Variants in ANAPC10 observed in about 807,000 individuals in gnomAD.
ANAPC10 encodes the protein anaphase promoting complex subunit 10.
A neutral mutation model predicts 22.0 loss-of-function variants in ANAPC10; 12 were observed. The observed-to-expected ratio is 0.55, with a 90% CI of 0.35 to 0.88. The LOEUF (loss-of-function observed/expected upper bound fraction) is 0.88. Among genes scored for constraint, ANAPC10 ranks in the 40% least tolerant of loss-of-function variants. The probability of loss-of-function intolerance (pLI) is 0.01; values close to 1 mark genes in which losing one functional copy is unlikely to be tolerated. For missense variants in ANAPC10, 188 were observed against 220.9 expected (o/e 0.85, Z 0.94); for synonymous variants, 65 against 69.5 (o/e 0.94, Z 0.32).
chr4:145,026,920 C>CAT (rs150548781), intron 4 of ANAPC10, among the ~76,000 whole-genome samples: 422 of 17,002 alleles, frequency 0.025, 9 homozygotes, highest in Middle Eastern at 0.038. Context: ...CCTATACATA[C>CAT]ATATATATAT....
chr4:145,093,111 G>A (rs879496995), intron 2 of ANAPC10, among the ~76,000 whole-genome samples: 8 of 152,194 alleles, frequency 5.3e-5, no homozygotes, highest in Non-Finnish European at 1.0e-4. Context: ...TTCTACAGCT[G>A]GAGGTAGGGC....
At chr4:145,008,153 C>T (rs13138890) in intron 4 of ANAPC10, among the ~76,000 whole-genome samples, 1 of 151,634 alleles carries the variant, frequency 6.6e-6, no homozygotes, top group African/African-American at 2.4e-5. Flanking sequence ...CTGAATCCCT[C>T]AATAGACCAA....
At chr4:144,998,076 T>C (rs1264426937) in intron 4 of ANAPC10, among the ~76,000 whole-genome samples, 2 of 152,140 alleles carry the variant, frequency 1.3e-5, no homozygotes, top group Non-Finnish European at 2.9e-5. Flanking sequence ...CCCAGATTCA[T>C]AAAGCAAGTC....
chr4:145,066,338 G>C (rs1412202818), intron 3 of ANAPC10, among the ~76,000 whole-genome samples: 1 of 152,104 alleles, frequency 6.6e-6, no homozygotes, highest in Non-Finnish European at 1.5e-5. Flanking sequence ...CTTTCTCTCT[G>C]CTGAGCCAGA....
At chr4:145,025,938 A>G (rs1218549365) in intron 4 of ANAPC10, among the ~76,000 whole-genome samples, 1 of 152,152 alleles carries the variant, frequency 6.6e-6, no homozygotes, top group Non-Finnish European at 1.5e-5. Context: ...ATAGAAAACT[A>G]AGGTCTTACC....
chr4:145,018,047 A>C (rs957085363), intron 4 of ANAPC10, among the ~76,000 whole-genome samples: 1 of 151,658 alleles, frequency 6.6e-6, no homozygotes, highest in African/African-American at 2.4e-5. Flanking sequence ...CAGCACACCA[A>C]CATGGCACAT....
chr4:145,076,011 G>C (rs757734903), intron 3 of ANAPC10, among the ~76,000 whole-genome samples: 1 of 152,164 alleles, frequency 6.6e-6, no homozygotes, highest in African/African-American at 2.4e-5. Flanking sequence ...CAGGGTCCCT[G>C]CTTGGCCATG....
chr4:145,015,859 TAC>T (rs1735038778), intron 4 of ANAPC10, among the ~76,000 whole-genome samples: 1 of 152,168 alleles, frequency 6.6e-6, no homozygotes, highest in Admixed American at 6.5e-5. Flanking sequence ...GAAGGAAAGA[TAC>T]AGTGTTTTCC....
intron 4 of ANAPC10, among the ~76,000 whole-genome samples, chr4:145,002,029 T>A (rs1732652904): frequency 6.6e-6 from 1 of 152,194 alleles, no homozygotes; most frequent in Non-Finnish European, 1.5e-5. Context: ...AAAAACTACT[T>A]GATAGTTGCT....
At chr4:145,046,136 G>T (rs992033676) in intron 4 of ANAPC10, among the ~76,000 whole-genome samples, 1 of 151,920 alleles carries the variant, frequency 6.6e-6, no homozygotes, top group South Asian at 2.1e-4. Flanking sequence ...TGACTTTCAG[G>T]GCTTCATTCA....
chr4:145,073,792 T>C (rs1275837478), intron 3 of ANAPC10, among the ~76,000 whole-genome samples: 2 of 152,082 alleles, frequency 1.3e-5, no homozygotes, highest in Non-Finnish European at 2.9e-5. Context: ...ATAAATTTCT[T>C]TGCGACACAG....
At chr4:145,037,776 GTC>G (rs1167563611) in intron 4 of ANAPC10, among the ~76,000 whole-genome samples, 2 of 151,798 alleles carry the variant, frequency 1.3e-5, no homozygotes, top group African/African-American at 4.8e-5. Flanking sequence ...GCAAAACCCT[GTC>G]TCTACAAAAA....
intron 4 of ANAPC10, among the ~76,000 whole-genome samples, chr4:145,002,275 A>C (rs1468986869): frequency 1.3e-5 from 2 of 152,170 alleles, no homozygotes; most frequent in African/African-American, 4.8e-5. Context: ...AGAAGTTCCA[A>C]ATGTGTTAAA....
chr4:145,016,692 G>C (rs1468339968), intron 4 of ANAPC10, among the ~76,000 whole-genome samples: 3 of 152,162 alleles, frequency 2.0e-5, no homozygotes, highest in East Asian at 1.9e-4. Flanking sequence ...AACAAAGCTG[G>C]AGGCATCATG....
At chr4:145,045,313 G>A (rs1298885771) in intron 4 of ANAPC10, among the ~76,000 whole-genome samples, 1 of 151,954 alleles carries the variant, frequency 6.6e-6, no homozygotes, top group Non-Finnish European at 1.5e-5. Flanking sequence ...TTCTATATAT[G>A]AGGAAACTGA....
At chr4:145,029,843 T>C (rs554096151) in intron 4 of ANAPC10, among the ~76,000 whole-genome samples, 3 of 152,260 alleles carry the variant, frequency 2.0e-5, no homozygotes, top group Admixed American at 1.3e-4. Context: ...GATATACCCT[T>C]GACCAATGCC....
intron 4 of ANAPC10, among the ~76,000 whole-genome samples, chr4:145,026,832 G>A (rs1218340947): frequency 6.8e-6 from 1 of 146,036 alleles, no homozygotes; most frequent in African/African-American, 2.5e-5. Flanking sequence ...CATGAAACAA[G>A]AACAGAATGT....
chr4:145,017,502 A>G (rs1481983093), intron 4 of ANAPC10, among the ~76,000 whole-genome samples: 1 of 152,212 alleles, frequency 6.6e-6, no homozygotes, highest in East Asian at 1.9e-4. Context: ...AGAAATAGGA[A>G]CACTTTTCCA....
chr4:145,001,124 G>A (rs1373436176), intron 4 of ANAPC10, among the ~76,000 whole-genome samples: 1 of 150,844 alleles, frequency 6.6e-6, no homozygotes, highest in Admixed American at 6.6e-5. Flanking sequence ...CATGGTACAT[G>A]TATACCTATG....
Sources: gnomAD v4.1 joint callset for allele counts (sites outside exome capture counted in the v4.1 genomes callset) on GRCh38, gnomAD v4.1.1 for gene constraint, MANE v1.5 for transcripts, NCBI Gene and HGNC (gene_info 2026-07-23, HGNC 2026-07-21) for gene names.